The following MYO9B variants were observed in gnomAD, a reference collection of about 807,000 sequenced individuals.
MYO9B encodes unconventional myosin-IXb.
MYO9B carries 71 observed loss-of-function variants against 229.5 expected under a neutral mutation model. The ratio of observed to expected loss-of-function variants is 0.31; its 90% CI spans 0.26 to 0.38. The LOEUF (loss-of-function observed/expected upper bound fraction) is 0.38, where lower values mean the gene tolerates loss of function less well. MYO9B is among the 10% of genes least tolerant of loss of function. MYO9B has a pLI of 1.00. For synonymous variants in MYO9B, 1,185 were observed against 1,235.8 expected (o/e 0.96, Z 0.86); for missense variants, 2,255 against 2,920.5 (o/e 0.77, Z 5.25).
chr19:17,173,574 G>T (rs2145366015), intron 13 of MYO9B, among the ~76,000 whole-genome samples: 2 of 152,240 alleles, frequency 1.3e-5, no homozygotes, highest in Middle Eastern at 6.8e-3. Flanking sequence ...GAAATGCTGG[G>T]ATTGCAGGTG....
At chr19:17,199,510 T>A (rs1390281887) in intron 24 of MYO9B, among the ~76,000 whole-genome samples, 1 of 150,948 alleles carries the variant, frequency 6.6e-6, no homozygotes, top group African/African-American at 2.5e-5. Context: ...TGTTTTTTTG[T>A]TTGTTTTTTT....
chr19:17,145,557 A>C (rs1311504480), intron 3 of MYO9B, 66 bp downstream of exon 3: 7 of 1,314,890 alleles, frequency 5.3e-6, no homozygotes, highest in Non-Finnish European at 7.7e-6. Flanking sequence ...CCTGACACAC[A>C]CATGGGAGTG....
At chr19:17,206,225 G>GGGGGGGGCCCCCCCC in intron 32 of MYO9B, 23 bp from the exon 33 acceptor site, 1 of 1,564,664 alleles carries the variant, frequency 6.4e-7, no homozygotes, top group Non-Finnish European at 8.7e-7. Flanking sequence ...CCGCTCACCA[G>GGGGGGGGCCCCCCCC]ACCCACCCCA....
intron 1 of MYO9B, among the ~76,000 whole-genome samples, chr19:17,100,612 G>A (rs185191432): frequency 4.1e-4 from 62 of 152,222 alleles, no homozygotes; most frequent in African/African-American, 1.5e-3. Context: ...GAGTCCTATC[G>A]CATTGAGAAT....
Position 17,191,250 on chromosome 19 carries a change from A to G in MYO9B, c.2811+31A>G, listed in dbSNP as rs754383304. 3.8e-6 allele frequency: 6 copies of G among 1,599,312 alleles called. No individual in the cohort carries two copies. The East Asian group carries it at 1.4e-4, about 36-fold the overall frequency. On this transcript the variant is annotated intron_variant, in intron 20 of 39. Transcript: ENST00000682292. ...CGCTCCTGCCCCTCGGGGCACTACA[A>G]ACCCACACCCTGCCTTCCACCGCAC... is the stretch of plus-strand genomic sequence containing the variant.
intron 17 of MYO9B, among the ~76,000 whole-genome samples, chr19:17,185,555 A>C (rs111656390): frequency 0.011 from 1,612 of 150,624 alleles, 37 homozygotes; most frequent in African/African-American, 0.032. Context: ...TCAAAAAAAA[A>C]AAAACAAAAC....
chr19:17,211,938 GA>G lies in MYO9B; in HGVS notation c.6103del (p.Ser2035AlafsTer18). The G allele has an allele frequency of 3.5e-5, 12 of 341,828 alleles. No individual in the cohort carries two copies. Among genetic ancestry groups the G allele is most frequent in the South Asian group, 4.3e-5 (1 of 23,268 alleles). The allele number at this position is 341,828 out of a possible 1,614,324, so 21.2% of individuals were successfully genotyped here. ...ALPCPGAPTP[S>X]PLPTVAAPPR... Reference sequence around the variant, plus strand: ...TCCCTTGCCCCGGCGCGCCCACCCCGAGCCCCCTCCCCACCGTGGCCGCCCC... The same window carrying G: ...TCCCTTGCCCCGGCGCGCCCACCCCGGCCCCCTCCCCACCGTGGCCGCCCC... On this transcript the variant is annotated frameshift_variant, in exon 40 of 40. Transcript: ENST00000682292. LOFTEE classifies it low-confidence loss of function (END_TRUNC).
At chr19:17,165,783 A>G (rs1461178099) in intron 10 of MYO9B, among the ~76,000 whole-genome samples, 2 of 152,146 alleles carry the variant, frequency 1.3e-5, no homozygotes, top group African/African-American at 2.4e-5. Flanking sequence ...TCTTAAAAGA[A>G]AAAAAGAAAA....
intron 2 of MYO9B, among the ~76,000 whole-genome samples, chr19:17,141,941 C>G (rs556659517): frequency 6.6e-6 from 1 of 152,190 alleles, no homozygotes; most frequent in Admixed American, 6.5e-5. Context: ...CTTTCGGAGG[C>G]CGAGTTGGAA....
At chr19:17,153,015 G>A (rs1468094220) in intron 4 of MYO9B, among the ~76,000 whole-genome samples, 3 of 152,158 alleles carry the variant, frequency 2.0e-5, no homozygotes, top group African/African-American at 7.2e-5. Context: ...GGTAGCACGT[G>A]CCTGTAGTCC....
Position 17,211,994 on chromosome 19 carries a change from C to T in MYO9B, c.6158C>T (p.Thr2053Met), listed in dbSNP as rs184066363. ...PPRRRPSSFV[T>M]VRVKTPRRTP... is the part of the protein sequence containing the mutation. ...CGACGAAGGCCGTCGTCCTTCGTAACGGTCAGAGTGAAGACCCCCCGGCGG... is the reference window on the plus strand; with the variant it reads ...CGACGAAGGCCGTCGTCCTTCGTAATGGTCAGAGTGAAGACCCCCCGGCGG... Residue 2053 changes from threonine (T) to methionine (M), a missense_variant, in exon 40 of 40, where the codon ACG becomes ATG. By Grantham distance (81) the Thr-to-Met change is moderately conservative (BLOSUM62 -1). Transcript: ENST00000682292. 2.5e-3 allele frequency: 3,454 copies of T among 1,378,100 alleles called. 25 individuals are homozygous for T. Among genetic ancestry groups the T allele is most frequent in the Non-Finnish European group, 1.9e-3 (1,971 of 1,034,384 alleles). The allele number at this position is 1,378,100 out of a possible 1,614,324, so 85.4% of individuals were successfully genotyped here. A position where few individuals can be genotyped will look rare whatever the true frequency, so the allele number is the denominator to read the frequency against.
intron 6 of MYO9B, among the ~76,000 whole-genome samples, chr19:17,155,351 G>A (rs1420292536): frequency 6.6e-6 from 1 of 151,930 alleles, no homozygotes; most frequent in African/African-American, 2.4e-5. Flanking sequence ...ACCACACCTG[G>A]ACAATTTTTT....
chr19:17,175,413 C>T (rs1477443493), intron 13 of MYO9B, among the ~76,000 whole-genome samples: 1 of 151,876 alleles, frequency 6.6e-6, no homozygotes, highest in Non-Finnish European at 1.5e-5. Flanking sequence ...GGCAAAACCC[C>T]GTCTCTACTA....
Position 17,101,876 on chromosome 19 carries a change from C to T in MYO9B, c.159C>T (p.Ala53=), listed in dbSNP as rs780327566. 6.2e-7 allele frequency: 1 copy of T among 1,613,300 alleles called. No individual in the cohort carries two copies. The highest frequency in any genetic ancestry group is 1.1e-5 in the South Asian group (1 of 91,042). The change falls in exon 2 of 40, where the codon GCC becomes GCT. Residue 53 remains alanine, a synonymous_variant. Transcript: ENST00000682292. This position sits in a 1 kb window ranked among gnomAD's most constrained non-coding sequence, Gnocchi z 4.7. ...TTSDVIKDAI[A]SLRLDGTKCY... ...CGGACGTCATCAAGGACGCCATTGC[C>T]AGCCTGCGGCTGGACGGCACCAAAT... is the stretch of plus-strand genomic sequence containing the variant.
rs144371840 is a variant in MYO9B, at chr19:17,122,172, C to T, written c.840+19615C>T. 1.1e-4 allele frequency among the ~76,000 whole-genome samples: 16 copies of T among 152,262 alleles called. No homozygotes were observed. In the East Asian group the frequency reaches 1.2e-3, roughly 11 times the overall value. On this transcript the variant is annotated intron_variant, in intron 2 of 39. Transcript: ENST00000682292. Reference sequence around the variant, plus strand: ...GCTGGCTCCTCCCATGATGCAAATACGGTGCAAGCTGGTTGCAAAGTGAGG... The same window carrying T: ...GCTGGCTCCTCCCATGATGCAAATATGGTGCAAGCTGGTTGCAAAGTGAGG...
At chr19:17,100,410 T>G (rs192993972) in intron 1 of MYO9B, among the ~76,000 whole-genome samples, 115 of 151,824 alleles carry the variant, frequency 7.6e-4, no homozygotes, top group African/African-American at 2.6e-3. Context: ...GCAGCAGAGG[T>G]TGCAGTGAGC....
chr19:17,096,977 A>G (rs930896464), intron 1 of MYO9B, among the ~76,000 whole-genome samples: 2 of 145,904 alleles, frequency 1.4e-5, no homozygotes, highest in Admixed American at 6.8e-5. Flanking sequence ...GGCGTGAGCC[A>G]CCACGCCCGG....
intron 2 of MYO9B, among the ~76,000 whole-genome samples, chr19:17,136,641 G>A (rs1467901678): frequency 6.6e-6 from 1 of 152,024 alleles, no homozygotes; most frequent in African/African-American, 2.4e-5. Context: ...TCAACACCGT[G>A]TAGTGCACAG....
At chr19:17,127,387 C>T (rs146696035) in intron 2 of MYO9B, among the ~76,000 whole-genome samples, 14 of 150,940 alleles carry the variant, frequency 9.3e-5, no homozygotes, top group African/African-American at 3.2e-4. Flanking sequence ...AGTGCAGTGG[C>T]GCAATCTTGG....
Sources: allele counts gnomAD v4.1 joint callset (sites outside exome capture counted in the v4.1 genomes callset), GRCh38; gene constraint gnomAD v4.1.1; non-coding constraint Gnocchi (gnomAD v3.1); transcripts MANE v1.5; gene names NCBI Gene and HGNC (gene_info 2026-07-23, HGNC 2026-07-21).